DEPTOR: variants seen among roughly 807,000 people sequenced by gnomAD.
DEPTOR encodes DEP domain-containing mTOR-interacting protein.
Under a neutral mutation model 41.6 loss-of-function variants are expected in DEPTOR, and 41 were observed. The observed-to-expected ratio is 0.98, with a 90% CI of 0.77 to 1.28. DEPTOR has a LOEUF of 1.28. Ranked by LOEUF, DEPTOR falls within the 50% of genes most tolerant of loss-of-function variation. DEPTOR has a pLI of 0.00. For missense variants in DEPTOR, 514 were observed against 527.9 expected, an observed-to-expected ratio of 0.97 and a Z score of 0.26; for synonymous variants, 195 against 192.3, an observed-to-expected ratio of 1.01 and a Z score of -0.12.
chr8:119,982,010 T>C (rs1453399867), intron 4 of DEPTOR, among the ~76,000 whole-genome samples: 1 of 82,736 alleles, frequency 1.2e-5, no homozygotes, highest in Non-Finnish European at 2.3e-5. Flanking sequence ...TGAGATTCCA[T>C]CTCTAAAAAA....
chr8:119,937,129 G>A (rs1036974147), intron 3 of DEPTOR, among the ~76,000 whole-genome samples: 1 of 151,736 alleles, frequency 6.6e-6, no homozygotes, highest in African/African-American at 2.4e-5. Context: ...ATATTTTCTG[G>A]CCGGGCTCAC....
chr8:119,998,948 A>G (rs1333810820), intron 4 of DEPTOR, among the ~76,000 whole-genome samples: 1 of 114,266 alleles, frequency 8.8e-6, no homozygotes, highest in South Asian at 2.5e-4. Flanking sequence ...AAAAATAGGA[A>G]AAAAAAAAAA....
intron 3 of DEPTOR, among the ~76,000 whole-genome samples, chr8:119,938,973 C>CTCTCTCTCTCTG (rs1458771316): frequency 6.0e-5 from 9 of 149,628 alleles, no homozygotes; most frequent in African/African-American, 2.2e-4. Flanking sequence ...CTCTCTCTCT[C>CTCTCTCTCTCTG]TGTGTTTCTC....
chr8:120,013,397 A>G (rs1207218143), intron 8 of DEPTOR, among the ~76,000 whole-genome samples: 2 of 152,126 alleles, frequency 1.3e-5, no homozygotes, highest in Non-Finnish European at 2.9e-5. Context: ...ATTATTTCCT[A>G]TTTTACCATT....
At chr8:120,002,389 T>C (rs1008833506) in intron 5 of DEPTOR, among the ~76,000 whole-genome samples, 10 of 152,214 alleles carry the variant, frequency 6.6e-5, no homozygotes, top group African/African-American at 2.2e-4. Context: ...TCTCCTGCCT[T>C]GGCATCCCAA....
At chr8:120,022,175 A>G (rs1472436403) in intron 8 of DEPTOR, among the ~76,000 whole-genome samples, 1 of 151,506 alleles carries the variant, frequency 6.6e-6, no homozygotes, top group Non-Finnish European at 1.5e-5. Flanking sequence ...AAAAAAAAAA[A>G]AAAGATGCAT....
chr8:119,996,113 C>A (rs980362567), intron 4 of DEPTOR, among the ~76,000 whole-genome samples: 1 of 152,202 alleles, frequency 6.6e-6, no homozygotes, highest in Admixed American at 6.5e-5. Flanking sequence ...TCTGTGCCAG[C>A]CACACAGCTA....
chr8:119,979,526 G>C (rs909674619), intron 4 of DEPTOR, among the ~76,000 whole-genome samples: 3 of 152,068 alleles, frequency 2.0e-5, no homozygotes, highest in Admixed American at 6.6e-5. Context: ...GCCTCCTAAA[G>C]TGCTGGAATT....
At position 119,968,543 on chromosome 8, in the gene DEPTOR, G is replaced by A. The variant is rs953782675; in HGVS notation, c.604+3133G>A. ...TCTTGAACTTCTGACCTCAAGTGATGCGCCTGCCCCGGTCTCCCAAAGTAC... is the reference window on the plus strand; with the variant it reads ...TCTTGAACTTCTGACCTCAAGTGATACGCCTGCCCCGGTCTCCCAAAGTAC... On this transcript the variant is annotated intron_variant, in intron 4 of 8. Transcript: ENST00000286234. 3.3e-5 allele frequency among the ~76,000 whole-genome samples: 5 copies of A among 152,076 alleles called. No individual in the cohort carries two copies. In the South Asian group the frequency reaches 8.3e-4, roughly 25 times the overall value.
chr8:119,947,606 G>T (rs1172318601), intron 3 of DEPTOR, among the ~76,000 whole-genome samples: 4 of 152,082 alleles, frequency 2.6e-5, no homozygotes, highest in Non-Finnish European at 5.9e-5. Context: ...TGTTTACTTT[G>T]CTTCCTCCTG....
At chr8:119,923,131 G>T (rs1827917520) in intron 1 of DEPTOR, among the ~76,000 whole-genome samples, 1 of 152,000 alleles carries the variant, frequency 6.6e-6, no homozygotes, top group African/African-American at 2.4e-5. Flanking sequence ...ATTTTAGTTG[G>T]TTTTGTTTAG....
chr8:119,936,861 TA>T (rs199826304), intron 3 of DEPTOR, among the ~76,000 whole-genome samples: 2 of 151,660 alleles, frequency 1.3e-5, no homozygotes, highest in Non-Finnish European at 2.9e-5. Flanking sequence ...CCATCTCTAC[TA>T]AAACTACAAA....
At chr8:119,901,315 A>T (rs954677779) in intron 1 of DEPTOR, among the ~76,000 whole-genome samples, 1 of 152,206 alleles carries the variant, frequency 6.6e-6, no homozygotes, top group Admixed American at 6.5e-5. Flanking sequence ...AGCTGATTAT[A>T]TAATTGCAGG....
chr8:120,032,988 A>C (rs1519812), intron 8 of DEPTOR, among the ~76,000 whole-genome samples: 63,627 of 151,792 alleles, frequency 0.42, 14,123 homozygotes, highest in African/African-American at 0.54. Flanking sequence ...TGTGAGAGTC[A>C]TCCAGTAAAA....
chr8:119,963,129 G>A (rs979292157), intron 3 of DEPTOR, among the ~76,000 whole-genome samples: 2 of 152,154 alleles, frequency 1.3e-5, no homozygotes, highest in Admixed American at 1.3e-4. Flanking sequence ...TCGAAGACAG[G>A]AAATGGAGGA....
In DEPTOR at chr8:120,009,195, C is replaced by T. The variant is rs1195342833; in HGVS notation, c.1101+62C>T. 6.9e-6 allele frequency: 10 copies of T among 1,443,726 alleles called. No homozygotes were observed. In the South Asian group the frequency reaches 1.2e-4, roughly 18 times the overall value. The allele number at this position is 1,443,726 out of a possible 1,614,324, so 89.4% of individuals were successfully genotyped here. A position where few individuals can be genotyped will look rare whatever the true frequency, so the allele number is the denominator to read the frequency against. The stretch of plus-strand genomic sequence containing the variant: ...TCTTGGGTTCTTCATGCTAAATTGG[C>T]CATGATTCTTACTAGGGATCCAAAC... On this transcript the variant is annotated intron_variant, in intron 8 of 8. Coordinates refer to ENST00000286234, the MANE Select transcript of DEPTOR (RefSeq NM_022783.4).
intron 4 of DEPTOR, among the ~76,000 whole-genome samples, chr8:119,993,214 A>G (rs1200476841): frequency 6.6e-6 from 1 of 152,230 alleles, no homozygotes; most frequent in Non-Finnish European, 1.5e-5. Flanking sequence ...CATTTCCCTC[A>G]TGATTTCTGC....
At chr8:119,894,675 C>T (rs1344759906) in intron 1 of DEPTOR, among the ~76,000 whole-genome samples, 7 of 151,816 alleles carry the variant, frequency 4.6e-5, no homozygotes, top group Admixed American at 3.3e-4. Flanking sequence ...AGATTACAGG[C>T]GTGAGCCAAC....
rs527559302 is a variant in DEPTOR at position 119,996,407 on chromosome 8, A to G, written c.605-5118A>G. ...GCATTATGCTGAACACTTATAGTTG[A>G]CTATCTCATCTGGCCCTCATGTTAC... On this transcript the variant is annotated intron_variant, in intron 4 of 8. Transcript: ENST00000286234. 2.0e-5 allele frequency among the ~76,000 whole-genome samples: 3 copies of G among 152,328 alleles called. No homozygotes were observed. In the South Asian group the frequency reaches 6.2e-4, roughly 32 times the overall value.
Sources: gnomAD v4.1 joint callset for allele counts (sites outside exome capture counted in the v4.1 genomes callset) on GRCh38, gnomAD v4.1.1 for gene constraint, MANE v1.5 for transcripts, NCBI Gene and HGNC (gene_info 2026-07-23, HGNC 2026-07-21) for gene names.